The following JADE3 variants were observed in gnomAD, a reference collection of about 807,000 sequenced individuals.
JADE3 encodes protein Jade-3.
Under a neutral mutation model 50.1 loss-of-function variants are expected in JADE3, and 2 were observed. That is an observed-to-expected ratio of 0.04 (90% confidence interval 0.02 to 0.13). JADE3 has a LOEUF of 0.13. Ranked by LOEUF, JADE3 falls within the 10% of genes least tolerant of loss-of-function variation. JADE3 has a pLI of 1.00. For synonymous variants in JADE3, 218 were observed against 232.9 expected, an observed-to-expected ratio of 0.94 and a Z score of 0.58; for missense variants, 475 against 634.4, an observed-to-expected ratio of 0.75 and a Z score of 2.70.
At chrX:46,979,751 A>G (rs193016404) in intron 1 of JADE3, among the ~76,000 whole-genome samples, 1 of 111,446 alleles carries the variant, frequency 9.0e-6, no homozygotes, top group East Asian at 2.8e-4. Flanking sequence ...AGCTATTGTA[A>G]TAATAAGTAT....
In JADE3 at chrX:47,048,195, G is replaced by A. The variant is rs971580363; in HGVS notation, c.973-5963G>A. ...CAAAGTCTCTACCATAAATCACATCGTTAGCATAGACTATCTCACTTGGCC... is the reference window on the plus strand; with the variant it reads ...CAAAGTCTCTACCATAAATCACATCATTAGCATAGACTATCTCACTTGGCC... On this transcript the variant is annotated intron_variant, in intron 8 of 10. Coordinates refer to ENST00000614628, the MANE Select transcript of JADE3 (RefSeq NM_014735.5). Among the ~76,000 whole-genome samples the A allele has an allele frequency of 2.7e-5, 3 of 111,552 alleles. No individual in the cohort carries two copies. In the Admixed American group the frequency reaches 2.9e-4, roughly 11 times the overall value.
chrX:46,927,584 A>G (rs1926398041), intron 1 of JADE3, among the ~76,000 whole-genome samples: 1 of 112,333 alleles, frequency 8.9e-6, no homozygotes, highest in Admixed American at 9.4e-5. Context: ...ATTTCATGTA[A>G]GAAGCTGCAA....
At chrX:46,963,935 C>T (rs915807069) in intron 1 of JADE3, among the ~76,000 whole-genome samples, 6 of 112,155 alleles carry the variant, frequency 5.3e-5, no homozygotes, top group African/African-American at 1.9e-4. Context: ...GCCATTTTTG[C>T]TATCTATCAC....
chrX:46,978,869 T>C (rs1556352205), intron 1 of JADE3, among the ~76,000 whole-genome samples: 1 of 112,285 alleles, frequency 8.9e-6, no homozygotes, highest in African/African-American at 3.2e-5. Flanking sequence ...CTGCTGCTGC[T>C]ATGTGTAGGA....
chrX:47,053,354 G>A (rs188765912), intron 8 of JADE3, among the ~76,000 whole-genome samples: 334 of 110,961 alleles, frequency 3.0e-3, no homozygotes, highest in Middle Eastern at 0.014. Context: ...GACCTCCCGG[G>A]TTCAGGCAAT....
chrX:46,993,665 C>A (rs782291260), intron 3 of JADE3, among the ~76,000 whole-genome samples: 25 of 111,709 alleles, frequency 2.2e-4, no homozygotes, highest in African/African-American at 7.2e-4. Context: ...TTATAAGAAA[C>A]CTGAGAGTTA....
intron 9 of JADE3, 98 bp downstream of exon 9, chrX:47,054,726 G>A (rs781841063): frequency 3.6e-4 from 176 of 489,325 alleles, no homozygotes; most frequent in African/African-American, 3.5e-3. Context: ...TCATAATAGT[G>A]TGGGCTTCTG....
chrX:47,034,740 C>T lies in JADE3; in HGVS notation c.855+952C>T, dbSNP rs190163082. 2.8e-5 allele frequency among the ~76,000 whole-genome samples: 3 copies of T among 107,756 alleles called. No homozygotes were observed. The East Asian group carries it at 8.6e-4, about 31-fold the overall frequency. 93.6% of individuals were successfully genotyped at this position (107,756 alleles called of 115,157 possible). ...TCAGCCTCCCGAGTAGCTGGGACTACAGGTGCCCGCCACCATGCCTGGCTA... is the reference window on the plus strand; with the variant it reads ...TCAGCCTCCCGAGTAGCTGGGACTATAGGTGCCCGCCACCATGCCTGGCTA... On this transcript the variant is annotated intron_variant, in intron 7 of 10. Coordinates refer to ENST00000614628, the MANE Select transcript of JADE3 (RefSeq NM_014735.5).
At chrX:46,985,923 T>C (rs969738045) in intron 3 of JADE3, 131 bp downstream of exon 3, 3 of 482,820 alleles carry the variant, frequency 6.2e-6, no homozygotes, top group Non-Finnish European at 1.1e-5. Context: ...CATGGGAATA[T>C]ATCCCTCATA....
chrX:47,005,884 AACC>A (rs1928403046), intron 4 of JADE3, among the ~76,000 whole-genome samples: 1 of 111,642 alleles, frequency 9.0e-6, no homozygotes, highest in Non-Finnish European at 1.9e-5. Context: ...GGTCTTATAC[AACC>A]ACCTGGTGGT....
chrX:46,978,404 G>A (rs1299448620), intron 1 of JADE3, among the ~76,000 whole-genome samples: 1 of 111,219 alleles, frequency 9.0e-6, no homozygotes, highest in Non-Finnish European at 1.9e-5. Flanking sequence ...AATTGTGGGG[G>A]AGGGACGTCT....
Position 47,016,842 on chromosome X carries a change from A to G in JADE3, c.285-7882A>G, listed in dbSNP as rs190235732. On this transcript the variant is annotated intron_variant, in intron 4 of 10. Transcript: ENST00000614628. ...TCTTGAGTTACTTGTTTTGTTGCCT[A>G]TAGACAGATTAGTCAGCTAGAGAAA... is the stretch of plus-strand genomic sequence containing the variant. Among the ~76,000 whole-genome samples the G allele has an allele frequency of 1.7e-4, 19 of 111,278 alleles. No individual in the cohort carries two copies. In the East Asian group the frequency reaches 4.5e-3, roughly 26 times the overall value.
chrX:46,932,346 A>T (rs1055130027), intron 1 of JADE3, among the ~76,000 whole-genome samples: 1 of 111,696 alleles, frequency 9.0e-6, no homozygotes, highest in Admixed American at 9.5e-5. Flanking sequence ...GAGATGTAAA[A>T]TTTTCTGTTT....
At chrX:47,009,437 G>T (rs1204195884) in intron 4 of JADE3, among the ~76,000 whole-genome samples, 1 of 111,048 alleles carries the variant, frequency 9.0e-6, no homozygotes, top group African/African-American at 3.3e-5. Context: ...AACCCCTACT[G>T]TTCAGATAAA....
intron 8 of JADE3, among the ~76,000 whole-genome samples, chrX:47,046,433 C>G (rs1409625987): frequency 8.9e-6 from 1 of 111,949 alleles, no homozygotes; most frequent in Non-Finnish European, 1.9e-5. Context: ...GGCTTCTCTA[C>G]TGAATTTTAC....
At chrX:47,025,831 T>C (rs1323341380) in intron 5 of JADE3, among the ~76,000 whole-genome samples, 1 of 112,117 alleles carries the variant, frequency 8.9e-6, no homozygotes, top group Non-Finnish European at 1.9e-5. Flanking sequence ...TGAATCACAT[T>C]TGTTCATTGT....
intron 7 of JADE3, among the ~76,000 whole-genome samples, chrX:47,035,856 C>G (rs1456740676): frequency 4.5e-5 from 5 of 111,618 alleles, no homozygotes; most frequent in Non-Finnish European, 9.4e-5. Flanking sequence ...AAAAACATCC[C>G]TTTCTGCTGG....
intron 7 of JADE3, among the ~76,000 whole-genome samples, chrX:47,034,309 A>G (rs1224150194): frequency 1.8e-5 from 2 of 111,430 alleles, no homozygotes; most frequent in Non-Finnish European, 3.8e-5. Context: ...TCCAGTCTCT[A>G]TCCCCCAAGA....
chrX:47,027,701 C>T (rs1197316111), intron 5 of JADE3, among the ~76,000 whole-genome samples, 191 bp from the exon 6 acceptor site: 1 of 111,895 alleles, frequency 8.9e-6, no homozygotes, highest in Non-Finnish European at 1.9e-5. Flanking sequence ...GTGTCAAACA[C>T]TAATATATGA....
Sources: allele counts gnomAD v4.1 joint callset (sites outside exome capture counted in the v4.1 genomes callset), GRCh38; gene constraint gnomAD v4.1.1; transcripts MANE v1.5; gene names NCBI Gene and HGNC (gene_info 2026-07-23, HGNC 2026-07-21).